Variants in DZIP3 observed in about 807,000 individuals in gnomAD.
DZIP3 encodes DAZ interacting zinc finger protein 3.
Under a neutral mutation model 162.0 loss-of-function variants are expected in DZIP3, and 118 were observed. The observed-to-expected ratio is 0.73, with a 90% CI of 0.63 to 0.85. The LOEUF is 0.85. DZIP3 is among the 40% of genes least tolerant of loss of function. DZIP3 has a pLI of 0.00. For missense variants in DZIP3, 1,331 were observed against 1,407.0 expected (o/e 0.95, Z 0.86); for synonymous variants, 438 against 458.6 (o/e 0.96, Z 0.57).
At chr3:108,643,021 T>C (rs942352047) in intron 13 of DZIP3, among the ~76,000 whole-genome samples, 1 of 152,184 alleles carries the variant, frequency 6.6e-6, no homozygotes, top group East Asian at 1.9e-4. Flanking sequence ...TTGGTGGCAG[T>C]CCAGCCAACT....
At chr3:108,656,023 C>A (rs1441474698) in intron 19 of DZIP3, among the ~76,000 whole-genome samples, 1 of 152,246 alleles carries the variant, frequency 6.6e-6, no homozygotes, top group Non-Finnish European at 1.5e-5. Context: ...GAACCCACCA[C>A]AGCTCAAGGA....
chr3:108,615,546 G>T (rs1040487338), intron 4 of DZIP3, among the ~76,000 whole-genome samples: 4 of 152,040 alleles, frequency 2.6e-5, no homozygotes, highest in Non-Finnish European at 5.9e-5. Context: ...TATCTAGTCA[G>T]CTAGGAAAAA....
At chr3:108,645,349 G>A (rs1332957082) in intron 14 of DZIP3, among the ~76,000 whole-genome samples, 1 of 152,218 alleles carries the variant, frequency 6.6e-6, no homozygotes, top group Admixed American at 6.5e-5. Flanking sequence ...TAGACACAGT[G>A]TGGATGTATG....
At chr3:108,637,876 T>C (rs1942229480) in intron 12 of DZIP3, among the ~76,000 whole-genome samples, 1 of 152,190 alleles carries the variant, frequency 6.6e-6, no homozygotes, top group East Asian at 1.9e-4. Flanking sequence ...ACCACTAAGC[T>C]TGTCTTACAA....
chr3:108,646,479 T>C, intron 14 of DZIP3, 138 bp from the exon 15 acceptor site: 1 of 671,200 alleles, frequency 1.5e-6, no homozygotes, highest in Non-Finnish European at 2.7e-6. Flanking sequence ...ACTGGATTGA[T>C]GAGCAAAGCT....
At chr3:108,607,884 C>T (rs1169046265) in intron 2 of DZIP3, among the ~76,000 whole-genome samples, 1 of 152,100 alleles carries the variant, frequency 6.6e-6, no homozygotes, top group East Asian at 1.9e-4. Context: ...GCTGTTTTCT[C>T]TACCACCATC....
intron 2 of DZIP3, 129 bp downstream of exon 2, chr3:108,605,567 T>C: frequency 1.1e-6 from 1 of 907,020 alleles, no homozygotes; most frequent in Non-Finnish European, 1.7e-6. Context: ...CATCAGGCAT[T>C]AGATTCTCAC....
Position 108,644,366 on chromosome 3 carries a change from A to G in DZIP3, c.1344A>G (p.Ser448=), listed in dbSNP as rs1942526845. The change falls in exon 14 of 33, where the codon TCA becomes TCG. Residue 448 remains serine (S), a synonymous_variant. Transcript: ENST00000361582. ...GGACCAATCATCCTTTGGGTGGATCATGGCATCTGCTTTATCCTCCTAACA... is the reference window on the plus strand; with the variant it reads ...GGACCAATCATCCTTTGGGTGGATCGTGGCATCTGCTTTATCCTCCTAACA... ...HLWTNHPLGG[S]WHLLYPPNKE... 4 of 1,614,104 alleles carry G rather than the reference A, an allele frequency of 2.5e-6. No individual in the cohort carries two copies. Among genetic ancestry groups the G allele is most frequent in the Middle Eastern group, 1.6e-4 (1 of 6,062 alleles).
intron 1 of DZIP3, among the ~76,000 whole-genome samples, chr3:108,595,773 A>T (rs528762045): frequency 4.6e-5 from 7 of 152,232 alleles, no homozygotes; most frequent in Non-Finnish European, 1.0e-4. Context: ...CTTGAATTAT[A>T]GCTTTGACAG....
intron 19 of DZIP3, among the ~76,000 whole-genome samples, chr3:108,661,638 T>TA (rs1943440557): frequency 6.8e-6 from 1 of 146,222 alleles, no homozygotes; most frequent in African/African-American, 2.8e-5. Flanking sequence ...AGTATAATAA[T>TA]TAAAAAAAAA....
chr3:108,625,100 T>G (rs921399818), intron 6 of DZIP3, among the ~76,000 whole-genome samples: 8 of 152,208 alleles, frequency 5.3e-5, no homozygotes, highest in Non-Finnish European at 1.0e-4. Flanking sequence ...ACTAATTGTT[T>G]AGTGTGATGT....
intron 1 of DZIP3, among the ~76,000 whole-genome samples, chr3:108,590,799 T>C (rs966162113): frequency 4.6e-5 from 7 of 152,216 alleles, no homozygotes; most frequent in Non-Finnish European, 8.8e-5. Context: ...CTGCAGAATC[T>C]TCATTAGGTA....
At chr3:108,635,473 T>C (rs1942097496) in intron 10 of DZIP3, 1 of 171,002 alleles carries the variant, frequency 5.8e-6, no homozygotes, top group Admixed American at 6.6e-5. Context: ...TTACATATCA[T>C]ATGTAGTTAT....
chr3:108,622,096 G>A (rs926571803), intron 5 of DZIP3, among the ~76,000 whole-genome samples: 3 of 151,950 alleles, frequency 2.0e-5, no homozygotes, highest in African/African-American at 7.3e-5. Flanking sequence ...GGAACTGGAG[G>A]TCATTATGTG....
At chr3:108,606,543 A>C (rs556667435) in intron 2 of DZIP3, among the ~76,000 whole-genome samples, 2 of 152,330 alleles carry the variant, frequency 1.3e-5, no homozygotes, top group South Asian at 4.1e-4. Context: ...CTATAGGAAG[A>C]AAAAATAATT....
Position 108,659,919 on chromosome 3 carries a change from T to C in DZIP3, c.2200-1958T>C, listed in dbSNP as rs1307964775. Reference sequence around the variant, plus strand: ...TCAAAGAGAATAAAATACCTAGGAATCCAACTTACAAGGGATGTGAAGGAC... The same window carrying C: ...TCAAAGAGAATAAAATACCTAGGAACCCAACTTACAAGGGATGTGAAGGAC... On this transcript the variant is annotated intron_variant, in intron 19 of 32. Transcript: ENST00000361582. Among the ~76,000 whole-genome samples the C allele has an allele frequency of 4.6e-5, 7 of 152,040 alleles. No individual in the cohort carries two copies. The East Asian group carries it at 1.4e-3, about 29-fold the overall frequency.
chr3:108,610,159 C>T (rs1443343693), intron 3 of DZIP3, among the ~76,000 whole-genome samples: 1 of 152,092 alleles, frequency 6.6e-6, no homozygotes, highest in Non-Finnish European at 1.5e-5. Context: ...CATAAATAAT[C>T]TTATGAAATG....
At chr3:108,606,194 G>A (rs1339904096) in intron 2 of DZIP3, among the ~76,000 whole-genome samples, 1 of 152,144 alleles carries the variant, frequency 6.6e-6, no homozygotes, top group African/African-American at 2.4e-5. Flanking sequence ...GGTAATTTAA[G>A]CATGATGCAG....
intron 1 of DZIP3, among the ~76,000 whole-genome samples, chr3:108,599,649 G>A (rs1055222735): frequency 6.6e-6 from 1 of 152,116 alleles, no homozygotes. Flanking sequence ...CCCTCATTCA[G>A]TGTTGAAATC....
Sources: allele counts gnomAD v4.1 joint callset (sites outside exome capture counted in the v4.1 genomes callset), GRCh38; gene constraint gnomAD v4.1.1; transcripts MANE v1.5; gene names NCBI Gene and HGNC (gene_info 2026-07-23, HGNC 2026-07-21).